Variants in ANKRD44 observed in about 807,000 individuals in gnomAD.
ANKRD44 encodes the protein serine/threonine-protein phosphatase 6 regulatory ankyrin repeat subunit B.
ANKRD44 carries 35 observed loss-of-function variants against 116.0 expected under a neutral mutation model. The ratio of observed to expected loss-of-function variants is 0.30; its 90% confidence interval spans 0.23 to 0.40. ANKRD44 has a LOEUF of 0.40. ANKRD44 is among the 10% of genes least tolerant of loss of function. The pLI, the probability that ANKRD44 is intolerant of heterozygous loss-of-function variation, is 1.00. For missense variants in ANKRD44, 1,014 were observed against 1,242.6 expected (o/e 0.82, Z 2.77); for synonymous variants, 435 against 461.8 (o/e 0.94, Z 0.74).
At chr2:196,974,873 G>T in intron 21 of ANKRD44, among the ~76,000 whole-genome samples, 1 of 150,558 alleles carries the variant, frequency 6.6e-6, no homozygotes. Context: ...CTAGGTGACA[G>T]AGTGAGACTC....
At chr2:196,985,096 A>G (rs1034602040), downstream of ANKRD44, among the ~76,000 whole-genome samples, 1 of 152,192 alleles carries the variant, frequency 6.6e-6, no homozygotes, top group Non-Finnish European at 1.5e-5. Context: ...GAGCTTCCCT[A>G]TGGGAAGGCC....
intron 17 of ANKRD44, among the ~76,000 whole-genome samples, chr2:197,017,485 T>A (rs544045949): frequency 3.0e-4 from 45 of 152,300 alleles, no homozygotes; most frequent in African/African-American, 1.0e-3. Flanking sequence ...TACAGATACA[T>A]TAAATATTTT....
At chr2:197,175,593 T>C (rs984756491) in intron 2 of ANKRD44, among the ~76,000 whole-genome samples, 1 of 152,144 alleles carries the variant, frequency 6.6e-6, no homozygotes, top group Non-Finnish European at 1.5e-5. Flanking sequence ...GAAAGGGACA[T>C]GGTATCATGT....
chr2:197,245,426 T>A (rs1471924774), intron 1 of ANKRD44, among the ~76,000 whole-genome samples: 1 of 152,144 alleles, frequency 6.6e-6, no homozygotes, highest in Non-Finnish European at 1.5e-5. Context: ...GACTTGAGCA[T>A]CCCTGGATTT....
At chr2:197,015,680 G>GT (rs2076378143) in intron 17 of ANKRD44, 1 of 553,748 alleles carries the variant, frequency 1.8e-6, no homozygotes, top group Non-Finnish European at 3.3e-6. Context: ...GGTGATGGTG[G>GT]GTGTAATGGA....
chr2:197,179,381 C>G (rs966649215), intron 2 of ANKRD44, among the ~76,000 whole-genome samples: 1 of 152,168 alleles, frequency 6.6e-6, no homozygotes, highest in Admixed American at 6.5e-5. Flanking sequence ...TAATTTCAAA[C>G]AATTACCATC....
intron 9 of ANKRD44, among the ~76,000 whole-genome samples, chr2:197,102,197 T>C (rs1240308981): frequency 1.3e-5 from 2 of 152,222 alleles, no homozygotes; most frequent in Non-Finnish European, 2.9e-5. Flanking sequence ...GTTGTACTAG[T>C]TTAGTACACT....
intron 27 of ANKRD44, among the ~76,000 whole-genome samples, chr2:196,992,391 A>G (rs1056486011): frequency 6.6e-6 from 1 of 152,226 alleles, no homozygotes; most frequent in African/African-American, 2.4e-5. Flanking sequence ...ACTGCTATAT[A>G]AAATTGCCCC....
intron 1 of ANKRD44, among the ~76,000 whole-genome samples, chr2:197,264,394 C>G (rs953434026): frequency 7.2e-5 from 11 of 152,154 alleles, no homozygotes; most frequent in Admixed American, 1.3e-4. Context: ...TGAATTCAAC[C>G]GCTATCTTTT....
Position 196,987,359 on chromosome 2 carries a change from A to T in ANKRD44, c.*2232T>A. 1.0e-6 allele frequency: 1 copy of T among 985,158 alleles called. No homozygotes were observed. Among genetic ancestry groups the T allele is most frequent in the Non-Finnish European group, 1.2e-6 (1 of 829,654 alleles). The allele number at this position is 985,158 out of a possible 1,614,324, so 61.0% of individuals were successfully genotyped here. On this transcript the variant is annotated 3_prime_UTR_variant, in exon 28 of 28. Coordinates refer to ENST00000282272, the MANE Select transcript of ANKRD44 (RefSeq NM_001195144.2). The stretch of plus-strand genomic sequence containing the variant: ...CTCACTGGTATCATATTGCTCTGAT[A>T]ACACTCAAATGAAAAAATACAAAAC...
At chr2:197,180,701 A>G (rs1379430134) in intron 2 of ANKRD44, among the ~76,000 whole-genome samples, 1 of 152,218 alleles carries the variant, frequency 6.6e-6, no homozygotes, top group East Asian at 1.9e-4. Context: ...TTGTATTTCT[A>G]ATGTTTAAGA....
chr2:197,254,598 T>TAC (rs3057783), intron 1 of ANKRD44, among the ~76,000 whole-genome samples: 17,210 of 148,098 alleles, frequency 0.12, 2,019 homozygotes, highest in African/African-American at 0.31. Context: ...CATACATGCA[T>TAC]ACACACACAC....
chr2:197,127,925 T>C (rs1030987456), intron 4 of ANKRD44, among the ~76,000 whole-genome samples: 1 of 152,196 alleles, frequency 6.6e-6, no homozygotes, highest in Non-Finnish European at 1.5e-5. Flanking sequence ...GGTGTTTGGT[T>C]TTCTGTTTCT....
chr2:197,036,872 G>C (rs892815038), intron 16 of ANKRD44, among the ~76,000 whole-genome samples: 2 of 152,186 alleles, frequency 1.3e-5, no homozygotes, highest in African/African-American at 4.8e-5. Flanking sequence ...TCCTGATAAA[G>C]TTTTAAGCCC....
intron 3 of ANKRD44, among the ~76,000 whole-genome samples, chr2:197,144,386 A>T (rs1470706601): frequency 6.6e-6 from 1 of 152,206 alleles, no homozygotes; most frequent in Non-Finnish European, 1.5e-5. Flanking sequence ...GTTTGGTTGG[A>T]TTCCCTAAAG....
At chr2:197,245,835 C>T (rs1297771063) in intron 1 of ANKRD44, among the ~76,000 whole-genome samples, 1 of 152,196 alleles carries the variant, frequency 6.6e-6, no homozygotes, top group Non-Finnish European at 1.5e-5. Context: ...CTTTCAGAAA[C>T]ATTCCAAAAA....
At chr2:197,015,320 T>G (rs1026084053) in intron 17 of ANKRD44, 10 of 465,030 alleles carry the variant, frequency 2.2e-5, no homozygotes, top group Admixed American at 2.0e-4. Context: ...GAGACCATTT[T>G]AAAAGGTATG....
intron 1 of ANKRD44, among the ~76,000 whole-genome samples, chr2:197,303,067 C>T (rs1445159680): frequency 6.6e-6 from 1 of 152,198 alleles, no homozygotes; most frequent in Non-Finnish European, 1.5e-5. Context: ...GTCCCCACAG[C>T]CAGGCTCCTG....
chr2:196,996,970 A>G (rs1269645486), intron 25 of ANKRD44, among the ~76,000 whole-genome samples: 1 of 151,636 alleles, frequency 6.6e-6, no homozygotes, highest in African/African-American at 2.4e-5. Context: ...AATTTATCTT[A>G]AAGTAATGAG....
Sources: gnomAD v4.1 joint callset for allele counts (sites outside exome capture counted in the v4.1 genomes callset) on GRCh38, gnomAD v4.1.1 for gene constraint, MANE v1.5 for transcripts, NCBI Gene and HGNC (gene_info 2026-07-23, HGNC 2026-07-21) for gene names.